PHAF1: variants seen among roughly 807,000 people sequenced by gnomAD.
PHAF1 encodes the protein phagophore assembly factor 1.
A neutral mutation model predicts 63.1 loss-of-function variants in PHAF1; 23 were observed. The ratio of observed to expected loss-of-function variants is 0.36; its 90% CI spans 0.26 to 0.52. The LOEUF is 0.52. Among genes scored for constraint, PHAF1 ranks in the 20% least tolerant of loss-of-function variants. PHAF1 has a pLI of 0.93. For synonymous variants in PHAF1, 167 were observed against 185.0 expected (o/e 0.90, Z 0.79); for missense variants, 427 against 517.2 (o/e 0.83, Z 1.69).
intron 3 of PHAF1, among the ~76,000 whole-genome samples, chr16:67,128,894 G>T (rs143573543): frequency 6.6e-6 from 1 of 152,218 alleles, no homozygotes; most frequent in Non-Finnish European, 1.5e-5. Context: ...TGTTGGACCC[G>T]TATAGCTGTT....
intron 3 of PHAF1, among the ~76,000 whole-genome samples, chr16:67,129,314 CT>C (rs1260976370): frequency 1.3e-5 from 2 of 152,210 alleles, no homozygotes; most frequent in Non-Finnish European, 2.9e-5. Context: ...CCTCAAGGGG[CT>C]TAACTTATTG....
intron 10 of PHAF1, among the ~76,000 whole-genome samples, chr16:67,140,839 A>G (rs975986204): frequency 2.0e-5 from 3 of 152,226 alleles, no homozygotes; most frequent in Non-Finnish European, 4.4e-5. Context: ...TGAGGGAAAC[A>G]TGTTCCACAG....
rs1048604507 is a variant in PHAF1, at chr16:67,130,248, C to T, written c.232-1038C>T. The stretch of plus-strand genomic sequence containing the variant: ...TTTTTCAGTAGAGACACGGTTTCAC[C>T]GTGTTAGCCAGGATGGTCTCAATCT... On this transcript the variant is annotated intron_variant, in intron 3 of 15. Transcript: ENST00000219139. Among the ~76,000 whole-genome samples, 7 of 151,836 alleles carry T rather than the reference C, an allele frequency of 4.6e-5. No individual in the cohort carries two copies. In the South Asian group the frequency reaches 8.3e-4, roughly 18 times the overall value.
In PHAF1 at chr16:67,144,156, G is replaced by C. The variant is rs550605363; in HGVS notation, c.880-138G>C. 2.8e-5 allele frequency: 18 copies of C among 641,636 alleles called. No homozygotes were observed. In the Admixed American group the frequency reaches 3.5e-4, roughly 13 times the overall value. 39.7% of individuals were successfully genotyped at this position (641,636 alleles called of 1,614,324 possible). The stretch of plus-strand genomic sequence containing the variant: ...TGCTTGGCCTGTCCCCTGGACTGTT[G>C]TCTGGAAGAAAGGTGATGCCTGCAG... On this transcript the variant is annotated intron_variant, in intron 10 of 15. Transcript: ENST00000219139.
intron 1 of PHAF1, 33 bp from the exon 2 acceptor site, chr16:67,120,079 A>G (rs1284725414): frequency 5.6e-6 from 9 of 1,599,876 alleles, no homozygotes; most frequent in Non-Finnish European, 6.8e-6. Flanking sequence ...TGGATAGCCA[A>G]AATAACCACA....
At position 67,144,237 on chromosome 16, in the gene PHAF1, G is replaced by C. The variant is rs193246822; in HGVS notation, c.880-57G>C. On this transcript the variant is annotated intron_variant, in intron 10 of 15. Coordinates refer to ENST00000219139, the MANE Select transcript of PHAF1 (RefSeq NM_025187.5). ...CCAAGTTGGACATGCCTTTGGAAAG[G>C]CCTCTGCCCTGCCTCAGTAACATTC... 67 of 1,302,448 alleles carry C rather than the reference G, an allele frequency of 5.1e-5. No homozygotes were observed. In the East Asian group the frequency reaches 1.4e-3, roughly 27 times the overall value. 80.7% of individuals were successfully genotyped at this position (1,302,448 alleles called of 1,614,324 possible).
chr16:67,134,535 C>A (rs948966896), intron 8 of PHAF1, 68 bp downstream of exon 8: 3 of 1,314,986 alleles, frequency 2.3e-6, no homozygotes, highest in East Asian at 4.6e-5. Context: ...TAAAATCCCA[C>A]GTGCTTAGGG....
chr16:67,131,604 C>G (rs1963402343), intron 4 of PHAF1, among the ~76,000 whole-genome samples: 1 of 152,250 alleles, frequency 6.6e-6, no homozygotes, highest in Admixed American at 6.5e-5. Flanking sequence ...ATGTGACAGT[C>G]TCCTGGGTCA....
chr16:67,113,797 G>A (rs1224730989), intron 1 of PHAF1, among the ~76,000 whole-genome samples: 1 of 146,252 alleles, frequency 6.8e-6, no homozygotes, highest in African/African-American at 2.6e-5. Context: ...CGCCCAGGCT[G>A]GAGTGCAGTG....
At chr16:67,112,644 A>G (rs1962565237) in intron 1 of PHAF1, among the ~76,000 whole-genome samples, 1 of 152,136 alleles carries the variant, frequency 6.6e-6, no homozygotes, top group African/African-American at 2.4e-5. Flanking sequence ...TGATACCCTA[A>G]CCCTGACTCC....
Position 67,132,798 on chromosome 16 carries a change from T to C in PHAF1, c.356-19T>C. 1 of 1,585,288 alleles carries C rather than the reference T, an allele frequency of 6.3e-7. No individual in the cohort carries two copies. Reference sequence around the variant, plus strand: ...ATGCCAGTCAACCATGTTATTTTCTTCTCCCCCACCCCCAACAGTGTACAA... The same window carrying C: ...ATGCCAGTCAACCATGTTATTTTCTCCTCCCCCACCCCCAACAGTGTACAA... On this transcript the variant is annotated intron_variant, in intron 5 of 15. Coordinates refer to ENST00000219139, the MANE Select transcript of PHAF1 (RefSeq NM_025187.5).
chr16:67,133,006 G>A (rs1419815393), intron 6 of PHAF1, 95 bp downstream of exon 6: 1 of 1,004,980 alleles, frequency 1.0e-6, no homozygotes, highest in East Asian at 2.4e-5. Context: ...GTGGGTATTA[G>A]ATAGGCAGAC....
chr16:67,140,892 C>T (rs1296868405), intron 10 of PHAF1, among the ~76,000 whole-genome samples: 1 of 152,236 alleles, frequency 6.6e-6, no homozygotes, highest in Non-Finnish European at 1.5e-5. Context: ...GTTTGGAGAG[C>T]TGCCCTTTTG....
chr16:67,110,377 C>T, intron 1 of PHAF1, 138 bp downstream of exon 1: 2 of 952,842 alleles, frequency 2.1e-6, no homozygotes, highest in Admixed American at 2.3e-5. Context: ...CGCTGGGCTC[C>T]AGGCACTAGA....
intron 4 of PHAF1, 146 bp downstream of exon 4, chr16:67,131,475 G>C: frequency 1.7e-6 from 1 of 600,446 alleles, no homozygotes; most frequent in Middle Eastern, 3.1e-4. Context: ...CTTCAAGCCT[G>C]CTCAGTTTCC....
At chr16:67,138,356 T>G (rs1203322494) in intron 8 of PHAF1, among the ~76,000 whole-genome samples, 1 of 152,208 alleles carries the variant, frequency 6.6e-6, no homozygotes, top group Non-Finnish European at 1.5e-5. Flanking sequence ...CAGTATTTAG[T>G]TATTTCAGAT....
chr16:67,139,726 TAGTGAATGAATA>T lies in PHAF1; in HGVS notation c.662-247_662-236del, dbSNP rs564677250. ...TCCTAGCCCATGGTAGGCAATAAAG[TAGTGAATGAATA>T]AGTGAATGAAGTATCCAGAGCTTCA... On this transcript the variant is annotated intron_variant, in intron 8 of 15. Coordinates refer to ENST00000219139, the MANE Select transcript of PHAF1 (RefSeq NM_025187.5). 2.7e-4 allele frequency: 126 copies of T among 466,752 alleles called. 1 individual carries two copies. The highest frequency in any genetic ancestry group is 1.8e-3 in the African/African-American group (93 of 50,880). 28.9% of individuals were successfully genotyped at this position (466,752 alleles called of 1,614,324 possible).
intron 14 of PHAF1, 32 bp downstream of exon 14, chr16:67,145,660 C>T: frequency 1.3e-6 from 2 of 1,597,002 alleles, no homozygotes; most frequent in Non-Finnish European, 1.7e-6. Context: ...CCGGCCACCC[C>T]ACCTGACTCC....
chr16:67,136,635 T>C (rs904412778), intron 8 of PHAF1, among the ~76,000 whole-genome samples: 3 of 142,644 alleles, frequency 2.1e-5, no homozygotes, highest in African/African-American at 7.9e-5. Flanking sequence ...CAGGCTGGAA[T>C]GCAGTGGCAT....
Sources: gnomAD v4.1 joint callset for allele counts (sites outside exome capture counted in the v4.1 genomes callset) on GRCh38, gnomAD v4.1.1 for gene constraint, MANE v1.5 for transcripts, NCBI Gene and HGNC (gene_info 2026-07-23, HGNC 2026-07-21) for gene names.